LCOR: variants seen among roughly 807,000 people sequenced by gnomAD.
LCOR encodes ligand-dependent corepressor.
Under a neutral mutation model 64.4 loss-of-function variants are expected in LCOR, and 14 were observed. That is an observed-to-expected ratio of 0.22 (90% CI 0.14 to 0.34). LCOR has a LOEUF of 0.34. LCOR is among the 10% of genes least tolerant of loss of function. The pLI is 1.00. For synonymous variants in LCOR, 643 were observed against 642.5 expected (o/e 1.00, Z -0.01); for missense variants, 1,686 against 1,765.3 (o/e 0.96, Z 0.80).
intron 7 of LCOR, chr10:96,959,821 A>G (rs747773350): frequency 6.6e-6 from 1 of 152,160 alleles, no homozygotes; most frequent in Non-Finnish European, 1.5e-5. Flanking sequence ...GCTTTGTGTG[A>G]TAATAGGGGT....
chr10:96,949,705 T>C (rs1048916342), intron 6 of LCOR, among the ~76,000 whole-genome samples: 1 of 152,232 alleles, frequency 6.6e-6, no homozygotes, highest in Non-Finnish European at 1.5e-5. Flanking sequence ...GTATAAGTTA[T>C]ATACTCTGCA....
intron 2 of LCOR, among the ~76,000 whole-genome samples, chr10:96,888,620 A>T (rs1846387943): frequency 6.6e-6 from 1 of 152,142 alleles, no homozygotes; most frequent in Non-Finnish European, 1.5e-5. Flanking sequence ...ACAAATAAAC[A>T]TTGGTCAAGT....
In LCOR at chr10:96,949,255, C is replaced by T; in HGVS notation, c.198C>T (p.Asp66=). The T allele has an allele frequency of 3.1e-6, 5 of 1,614,032 alleles. No homozygotes were observed. Among genetic ancestry groups the T allele is most frequent in the South Asian group, 2.2e-5 (2 of 91,070 alleles). ...LLMADQDSPL[D]LTVRKSQSEP... ...TGGCTGACCAAGACTCACCTCTGGACCTTACTGTCAGAAAGTCTCAGTCAG... is the reference window on the plus strand; with the variant it reads ...TGGCTGACCAAGACTCACCTCTGGATCTTACTGTCAGAAAGTCTCAGTCAG... The change falls in exon 6 of 8, where the codon GAC becomes GAT. Residue 66 remains aspartate (D), a synonymous_variant. Transcript: ENST00000421806.
At chr10:96,913,373 G>A (rs1413561593) in intron 4 of LCOR, among the ~76,000 whole-genome samples, 4 of 152,136 alleles carry the variant, frequency 2.6e-5, no homozygotes, top group African/African-American at 9.7e-5. Context: ...AGAGGGTCGG[G>A]GAGAGATGGG....
At chr10:96,920,452 A>G (rs12776974) in intron 4 of LCOR, among the ~76,000 whole-genome samples, 1 of 29,594 alleles carries the variant, frequency 3.4e-5, no homozygotes, top group African/African-American at 1.1e-4. Context: ...GTGTATATAT[A>G]TGTATATTCA....
At chr10:96,870,560 A>G (rs1444434052) in intron 2 of LCOR, among the ~76,000 whole-genome samples, 1 of 152,188 alleles carries the variant, frequency 6.6e-6, no homozygotes, top group Non-Finnish European at 1.5e-5. Context: ...GACTAATTTC[A>G]AGTCTTTTTA....
chr10:96,994,552 G>T lies in LCOR; in HGVS notation c.*9418G>T, dbSNP rs1189801995. On this transcript the variant is annotated 3_prime_UTR_variant, in exon 8 of 8. Coordinates refer to ENST00000421806, the MANE Select transcript of LCOR (RefSeq NM_001346516.2). ...ATGGTGTTTGGAATTTTTCACTAGT[G>T]TATTTTTAGACTGAAGTGGGTGCAT... The T allele has an allele frequency of 6.6e-6, 1 of 152,180 alleles. No homozygotes were observed. Among genetic ancestry groups the T allele is most frequent in the Admixed American group, 6.5e-5 (1 of 15,282 alleles). 9.4% of individuals were successfully genotyped at this position (152,180 alleles called of 1,614,324 possible). A position where few individuals can be genotyped will look rare whatever the true frequency, so the allele number is the denominator to read the frequency against.
chr10:96,928,830 A>C (rs887160067), intron 4 of LCOR, among the ~76,000 whole-genome samples: 1 of 152,210 alleles, frequency 6.6e-6, no homozygotes, highest in African/African-American at 2.4e-5. Context: ...GGGCTGCAGA[A>C]TGGGTATTGT....
intron 2 of LCOR, among the ~76,000 whole-genome samples, chr10:96,854,490 C>G (rs11188948): frequency 1.3e-5 from 2 of 152,110 alleles, no homozygotes; most frequent in East Asian, 1.9e-4. Context: ...CCACACCCAG[C>G]TAATTTTTGT....
intron 6 of LCOR, among the ~76,000 whole-genome samples, chr10:96,951,555 T>TA (rs1847679829): frequency 6.6e-6 from 1 of 152,230 alleles, no homozygotes; most frequent in Non-Finnish European, 1.5e-5. Flanking sequence ...TGATTCATCT[T>TA]ACAGACCATA....
chr10:96,942,449 A>AG (rs1554839344), intron 4 of LCOR, among the ~76,000 whole-genome samples: 18 of 107,886 alleles, frequency 1.7e-4, no homozygotes, highest in South Asian at 1.2e-3. Flanking sequence ...GACCGTGGAG[A>AG]GAGGGAGAGG....
chr10:96,842,306 A>G (rs1238600409), intron 2 of LCOR, among the ~76,000 whole-genome samples: 1 of 152,112 alleles, frequency 6.6e-6, no homozygotes, highest in Admixed American at 6.6e-5. Flanking sequence ...GAGGCAGGAG[A>G]ATCGCTTGAA....
At chr10:96,887,435 C>T (rs967742743) in intron 2 of LCOR, among the ~76,000 whole-genome samples, 1 of 151,618 alleles carries the variant, frequency 6.6e-6, no homozygotes, top group Admixed American at 6.6e-5. Context: ...TCGTGGCGGG[C>T]GCCTGTAGTC....
chr10:96,845,079 T>TTAC (rs1845603383), intron 2 of LCOR, among the ~76,000 whole-genome samples: 1 of 152,048 alleles, frequency 6.6e-6, no homozygotes, highest in South Asian at 2.1e-4. Context: ...TAGTGTGTAA[T>TTAC]TACTGAGAAG....
At chr10:96,879,461 G>A (rs1223316524) in intron 2 of LCOR, among the ~76,000 whole-genome samples, 1 of 152,192 alleles carries the variant, frequency 6.6e-6, no homozygotes. Context: ...CACAGAGTTT[G>A]TGGCTAATGA....
chr10:96,896,314 G>C (rs1377604430), intron 2 of LCOR, among the ~76,000 whole-genome samples: 1 of 152,092 alleles, frequency 6.6e-6, no homozygotes, highest in Non-Finnish European at 1.5e-5. Flanking sequence ...ACCTCAAATA[G>C]AGTTGACTGC....
chr10:96,873,238 T>C (rs1846102059), intron 2 of LCOR, among the ~76,000 whole-genome samples: 1 of 152,346 alleles, frequency 6.6e-6, no homozygotes, highest in South Asian at 2.1e-4. Context: ...CAGCAGGAAG[T>C]ACTGTAATTA....
chr10:96,954,899 T>C (rs2134532560), intron 7 of LCOR: 1 of 1,461,424 alleles, frequency 6.8e-7, no homozygotes. Flanking sequence ...CCCTCACCCA[T>C]CCCTCCCTAC....
chr10:96,973,689 T>C (rs1480750018), intron 7 of LCOR, among the ~76,000 whole-genome samples: 1 of 152,242 alleles, frequency 6.6e-6, no homozygotes, highest in Non-Finnish European at 1.5e-5. Flanking sequence ...CTCTAAAGCT[T>C]GCTTTCCCCT....
Sources: allele counts gnomAD v4.1 joint callset (sites outside exome capture counted in the v4.1 genomes callset), GRCh38; gene constraint gnomAD v4.1.1; transcripts MANE v1.5; gene names NCBI Gene and HGNC (gene_info 2026-07-23, HGNC 2026-07-21).